KIAA1328: variants seen among roughly 807,000 people sequenced by gnomAD.
KIAA1328 encodes the protein protein hinderin.
In KIAA1328, 52 loss-of-function variants were observed where a neutral mutation model predicts 68.1. That is an observed-to-expected ratio of 0.76 (90% confidence interval 0.61 to 0.96). The LOEUF (loss-of-function observed/expected upper bound fraction) is 0.96. Among genes scored for constraint, KIAA1328 ranks in the 40% least tolerant of loss-of-function variants. The probability of loss-of-function intolerance (pLI) is 0.00; values close to 1 mark genes in which losing one functional copy is unlikely to be tolerated. For missense variants in KIAA1328, 641 were observed against 677.6 expected (o/e 0.95, Z 0.60); for synonymous variants, 232 against 239.4 (o/e 0.97, Z 0.28).
intron 9 of KIAA1328, among the ~76,000 whole-genome samples, chr18:37,177,268 G>A (rs1400418100): frequency 6.6e-6 from 1 of 152,108 alleles, no homozygotes; most frequent in African/African-American, 2.4e-5. Flanking sequence ...ATTGCTCAAT[G>A]CAACAGAAAT....
At chr18:37,214,092 T>C (rs1755202275) in intron 9 of KIAA1328, among the ~76,000 whole-genome samples, 1 of 152,248 alleles carries the variant, frequency 6.6e-6, no homozygotes, top group South Asian at 2.1e-4. Flanking sequence ...TCTCCCATTC[T>C]GTAGGTTGCC....
At chr18:36,930,389 A>G (rs1206353776) in intron 5 of KIAA1328, among the ~76,000 whole-genome samples, 1 of 152,096 alleles carries the variant, frequency 6.6e-6, no homozygotes, top group African/African-American at 2.4e-5. Flanking sequence ...AATTTAGCAG[A>G]TTATCTGGCT....
intron 6 of KIAA1328, among the ~76,000 whole-genome samples, chr18:37,039,983 C>T (rs1038489313): frequency 2.6e-5 from 4 of 152,144 alleles, no homozygotes; most frequent in African/African-American, 9.7e-5. Flanking sequence ...TGCGGTCTTC[C>T]ATCTGAGGGC....
chr18:37,159,443 G>T (rs953824084), intron 7 of KIAA1328, among the ~76,000 whole-genome samples: 1 of 151,988 alleles, frequency 6.6e-6, no homozygotes, highest in African/African-American at 2.4e-5. Flanking sequence ...ATTGTTTATG[G>T]GCATGGGGAA....
intron 5 of KIAA1328, among the ~76,000 whole-genome samples, chr18:36,938,435 A>T (rs916781765): frequency 6.6e-6 from 1 of 152,000 alleles, no homozygotes; most frequent in African/African-American, 2.4e-5. Flanking sequence ...CTTTGCCCAT[A>T]TTTTGATTGA....
chr18:36,860,851 A>G (rs1187108366), intron 4 of KIAA1328, among the ~76,000 whole-genome samples: 5 of 152,216 alleles, frequency 3.3e-5, no homozygotes, highest in Non-Finnish European at 7.4e-5. Flanking sequence ...ACTAAAAGCC[A>G]TTTAATTGGA....
At chr18:36,938,538 G>A (rs1329513248) in intron 5 of KIAA1328, among the ~76,000 whole-genome samples, 1 of 152,060 alleles carries the variant, frequency 6.6e-6, no homozygotes, top group Non-Finnish European at 1.5e-5. Context: ...TTTTCTCCCA[G>A]TCTGTGGATA....
At chr18:36,973,816 CACACACACACACAT>C (rs1421557207) in intron 6 of KIAA1328, among the ~76,000 whole-genome samples, 4 of 99,614 alleles carry the variant, frequency 4.0e-5, no homozygotes, top group Non-Finnish European at 8.1e-5. Context: ...CGCACATACA[CACACACACACACAT>C]ACACACACAC....
rs1416104811 is a variant in KIAA1328, at chr18:37,130,837, G to A, written c.1233-29363G>A. Among the ~76,000 whole-genome samples the A allele has an allele frequency of 2.0e-5, 3 of 152,108 alleles. 1 individual carries two copies. The highest frequency in any genetic ancestry group is 4.1e-4 in the South Asian group (2 of 4,830). On this transcript the variant is annotated intron_variant, in intron 7 of 9. Transcript: ENST00000280020. ...ATCTCTGGAGCCCTGTGACTCAAAC[G>A]AAGCTTACACTGATTTTTTTCTAGA... is the stretch of plus-strand genomic sequence containing the variant.
intron 6 of KIAA1328, among the ~76,000 whole-genome samples, chr18:36,982,517 A>G (rs2052735607): frequency 6.6e-6 from 1 of 151,968 alleles, no homozygotes; most frequent in Admixed American, 6.6e-5. Flanking sequence ...AAAAAATGTC[A>G]ACATCAAATT....
chr18:37,005,492 T>A (rs78090175), intron 6 of KIAA1328, among the ~76,000 whole-genome samples: 3 of 151,838 alleles, frequency 2.0e-5, no homozygotes, highest in African/African-American at 7.3e-5. Context: ...AGAACTCTTA[T>A]ACTGTTGGTG....
intron 6 of KIAA1328, among the ~76,000 whole-genome samples, chr18:36,984,949 A>G (rs2151386231): frequency 6.6e-6 from 1 of 151,238 alleles, no homozygotes; most frequent in South Asian, 2.1e-4. Context: ...TCCTGTGTTC[A>G]TGAGGTTAAG....
intron 9 of KIAA1328, among the ~76,000 whole-genome samples, chr18:37,209,175 T>C (rs1297071080): frequency 2.0e-5 from 3 of 152,214 alleles, no homozygotes; most frequent in Non-Finnish European, 4.4e-5. Context: ...CCTTTTTTTG[T>C]AAAAGAAGAA....
At chr18:37,007,930 A>G (rs1474042821) in intron 6 of KIAA1328, among the ~76,000 whole-genome samples, 1 of 152,196 alleles carries the variant, frequency 6.6e-6, no homozygotes. Flanking sequence ...CCTAGTTTGG[A>G]AAGTTTTTCT....
At chr18:36,837,469 TA>T (rs2046717407) in intron 3 of KIAA1328, among the ~76,000 whole-genome samples, 1 of 152,216 alleles carries the variant, frequency 6.6e-6, no homozygotes, top group African/African-American at 2.4e-5. Flanking sequence ...GAGTTCTTTC[TA>T]AATTCCATTT....
At chr18:37,179,816 GT>G (rs1178071268) in intron 9 of KIAA1328, among the ~76,000 whole-genome samples, 2 of 151,962 alleles carry the variant, frequency 1.3e-5, no homozygotes, top group African/African-American at 2.4e-5. Context: ...AACTGATGGT[GT>G]TTTTTTCCTT....
intron 7 of KIAA1328, among the ~76,000 whole-genome samples, chr18:37,078,742 C>G (rs1300152022): frequency 1.3e-5 from 2 of 151,280 alleles, no homozygotes; most frequent in Non-Finnish European, 2.9e-5. Context: ...CTCACCATCA[C>G]TGGCCATCAG....
chr18:36,954,868 G>A (rs1179223594), intron 5 of KIAA1328, among the ~76,000 whole-genome samples: 1 of 151,132 alleles, frequency 6.6e-6, no homozygotes, highest in African/African-American at 2.4e-5. Flanking sequence ...CTAATTTTTT[G>A]TATTTTTAGT....
chr18:36,862,235 T>C (rs2047588769), intron 4 of KIAA1328, among the ~76,000 whole-genome samples: 1 of 152,234 alleles, frequency 6.6e-6, no homozygotes, highest in South Asian at 2.1e-4. Flanking sequence ...TATTTATTTG[T>C]GTATGTCTTT....
Sources: gnomAD v4.1 joint callset for allele counts (sites outside exome capture counted in the v4.1 genomes callset) on GRCh38, gnomAD v4.1.1 for gene constraint, MANE v1.5 for transcripts, NCBI Gene and HGNC (gene_info 2026-07-23, HGNC 2026-07-21) for gene names.